Variants in DCAF1 observed in about 807,000 individuals in gnomAD.
DCAF1 encodes DDB1 and CUL4 associated factor 1.
A neutral mutation model predicts 128.0 loss-of-function variants in DCAF1; 15 were observed. That is an observed-to-expected ratio of 0.12 (90% CI 0.08 to 0.18). The LOEUF (loss-of-function observed/expected upper bound fraction) is 0.18. Ranked by LOEUF, DCAF1 falls within the 10% of genes least tolerant of loss-of-function variation. DCAF1 has a pLI of 1.00. For missense variants in DCAF1, 988 were observed against 1,649.5 expected (o/e 0.60, Z 6.95); for synonymous variants, 610 against 603.0 (o/e 1.01, Z -0.17).
rs782117372 is a variant in DCAF1 at position 51,425,559 on chromosome 3, C to CTTTT, written c.1847+1809_1847+1812dup. Among the ~76,000 whole-genome samples, 213 of 96,824 alleles carry CTTTT rather than the reference C, an allele frequency of 2.2e-3. 8 individuals are homozygous for CTTTT. The highest frequency in any genetic ancestry group is 2.8e-3 in the East Asian group (8 of 2,906). The allele number at this position is 96,824 out of a possible 152,430, so 63.5% of individuals were successfully genotyped here. A position where few individuals can be genotyped will look rare whatever the true frequency, so the allele number is the denominator to read the frequency against. ...TTCTAGTTATCTTGTAAGCTGTCAT[C>CTTTT]TTTTTTTTTTTTTTTTTTTTGGAGA... On this transcript the variant is annotated intron_variant, in intron 13 of 24. Transcript: ENST00000684031.
chr3:51,401,595 T>G (rs1183107351), intron 24 of DCAF1, among the ~76,000 whole-genome samples: 2 of 152,236 alleles, frequency 1.3e-5, no homozygotes, highest in Non-Finnish European at 2.9e-5. Flanking sequence ...CCAGATTACC[T>G]TTGGCTTGAA....
At chr3:51,422,795 G>A (rs1699525293) in intron 13 of DCAF1, among the ~76,000 whole-genome samples, 2 of 152,116 alleles carry the variant, frequency 1.3e-5, no homozygotes, top group Admixed American at 6.5e-5. Context: ...CAGGCACGGT[G>A]GCTCAAGCCT....
At chr3:51,415,606 G>T (rs1378393777) in intron 18 of DCAF1, among the ~76,000 whole-genome samples, 2 of 152,036 alleles carry the variant, frequency 1.3e-5, no homozygotes, top group Non-Finnish European at 1.5e-5. Flanking sequence ...TTTATTTTCA[G>T]AGACAGGGTC....
chr3:51,442,993 A>C (rs1465131673), intron 7 of DCAF1, among the ~76,000 whole-genome samples: 1 of 152,132 alleles, frequency 6.6e-6, no homozygotes, highest in Non-Finnish European at 1.5e-5. Context: ...TGATGGGTTG[A>C]TCTGTGCAGC....
intron 3 of DCAF1, among the ~76,000 whole-genome samples, chr3:51,479,641 A>G (rs1705916183): frequency 6.6e-6 from 1 of 151,932 alleles, no homozygotes; most frequent in African/African-American, 2.4e-5. Flanking sequence ...TAAAAAATAT[A>G]AAAAATTAGC....
At chr3:51,477,326 A>G (rs1204538906) in intron 3 of DCAF1, among the ~76,000 whole-genome samples, 7 of 151,950 alleles carry the variant, frequency 4.6e-5, no homozygotes, top group Non-Finnish European at 7.4e-5. Context: ...AGAAAAAAAA[A>G]AAACAAAAAA....
At chr3:51,396,161 C>T (rs2089190265), downstream of DCAF1, 1 of 389,294 alleles carries the variant, frequency 2.6e-6, no homozygotes, top group East Asian at 3.8e-5. Flanking sequence ...AGCAGGTGCT[C>T]AGGACCCGGA....
chr3:51,424,985 T>C (rs1553633749), intron 13 of DCAF1, among the ~76,000 whole-genome samples: 1 of 152,190 alleles, frequency 6.6e-6, no homozygotes, highest in Non-Finnish European at 1.5e-5. Context: ...TTCTATGTTT[T>C]GAAAATATTC....
chr3:51,486,557 T>C (rs1553655544), intron 2 of DCAF1, among the ~76,000 whole-genome samples: 1 of 152,054 alleles, frequency 6.6e-6, no homozygotes. Context: ...CAGACTAATA[T>C]GGACTTCTGA....
In DCAF1 at chr3:51,398,351, T is replaced by C. The variant is rs1256507632; in HGVS notation, c.*418A>G. The C allele has an allele frequency of 1.3e-5, 2 of 156,614 alleles. No individual in the cohort carries two copies. Among genetic ancestry groups the C allele is most frequent in the Non-Finnish European group, 2.8e-5 (2 of 71,154 alleles). The allele number at this position is 156,614 out of a possible 1,614,324, so 9.7% of individuals were successfully genotyped here. A position where few individuals can be genotyped will look rare whatever the true frequency, so the allele number is the denominator to read the frequency against. ...GCAGGGACAAGAGACCTGGTGGATA[T>C]AAGTTCATACCCTCAGTTATAAATG... On this transcript the variant is annotated 3_prime_UTR_variant, in exon 25 of 25. Coordinates refer to ENST00000684031, the MANE Select transcript of DCAF1 (RefSeq NM_001387579.1).
At chr3:51,435,824 A>G (rs1422670834) in intron 9 of DCAF1, among the ~76,000 whole-genome samples, 2 of 152,338 alleles carry the variant, frequency 1.3e-5, no homozygotes, top group South Asian at 2.1e-4. Context: ...GTACCTGAAC[A>G]TAAGTATCTG....
upstream of DCAF1, among the ~76,000 whole-genome samples, chr3:51,501,702 A>T (rs1197215595): frequency 1.3e-5 from 2 of 152,026 alleles, no homozygotes; most frequent in Non-Finnish European, 2.9e-5. Flanking sequence ...CTCCAAGCAG[A>T]GATTCTCTAA....
In DCAF1 at chr3:51,441,036, C is replaced by A. The variant is rs1701313578; in HGVS notation, c.1062G>T (p.Glu354Asp). The A allele has an allele frequency of 1.2e-6, 2 of 1,612,630 alleles. No homozygotes were observed. The highest frequency in any genetic ancestry group is 1.7e-6 in the Non-Finnish European group (2 of 1,179,406). Reference sequence around the variant, plus strand: ...TCAGGTCAATATAGAACATCATCAGCTCCCGTGATCCAAGTTGCATGAATA... The same window carrying A: ...TCAGGTCAATATAGAACATCATCAGATCCCGTGATCCAAGTTGCATGAATA... ...LPIFMQLGSRELMMFYIDLKQ... is the reference protein window; with the variant it reads ...LPIFMQLGSRDLMMFYIDLKQ... Residue 354 changes from glutamate (E) to aspartate (D), a missense_variant, in exon 9 of 25, where the codon GAG (glutamate) becomes GAT (aspartate). This residue lies in a region of DCAF1 where 185 missense variants were observed against 248.1 expected (regional missense o/e 0.75). Coordinates refer to ENST00000684031, the MANE Select transcript of DCAF1 (RefSeq NM_001387579.1).
intron 2 of DCAF1, among the ~76,000 whole-genome samples, chr3:51,487,657 T>A (rs1707125831): frequency 6.6e-6 from 1 of 152,000 alleles, no homozygotes; most frequent in South Asian, 2.1e-4. Context: ...CAATTCTTTC[T>A]TCCTTTTTCT....
At chr3:51,432,011 G>A (rs1010161461) in intron 10 of DCAF1, among the ~76,000 whole-genome samples, 4 of 151,678 alleles carry the variant, frequency 2.6e-5, no homozygotes, top group Admixed American at 6.6e-5. Flanking sequence ...GGTGGCTCAC[G>A]CCTGTAATCC....
At chr3:51,473,274 A>C (rs1241933826) in intron 3 of DCAF1, among the ~76,000 whole-genome samples, 2 of 151,144 alleles carry the variant, frequency 1.3e-5, no homozygotes, top group Non-Finnish European at 3.0e-5. Flanking sequence ...AAAAAAAAAA[A>C]AACAAGAAAA....
At chr3:51,458,630 C>A (rs1383021212) in intron 6 of DCAF1, among the ~76,000 whole-genome samples, 1 of 152,122 alleles carries the variant, frequency 6.6e-6, no homozygotes, top group Non-Finnish European at 1.5e-5. Flanking sequence ...AGCGCCACAC[C>A]ACACCTACTC....
chr3:51,402,476 A>C (rs1191730939), intron 24 of DCAF1, among the ~76,000 whole-genome samples: 1 of 152,016 alleles, frequency 6.6e-6, no homozygotes, highest in African/African-American at 2.4e-5. Context: ...ACACAGCCAC[A>C]ATCATTCATT....
chr3:51,396,577 G>A (rs1394873672), downstream of DCAF1: 2 of 167,136 alleles, frequency 1.2e-5, no homozygotes, highest in Non-Finnish European at 2.9e-5. Context: ...AAGACAAAAA[G>A]GCAACATGTG....
Sources: gnomAD v4.1 joint callset for allele counts (sites outside exome capture counted in the v4.1 genomes callset) on GRCh38, gnomAD v4.1.1 for gene constraint, gnomAD v4.1.1 regional missense constraint, MANE v1.5 for transcripts, NCBI Gene and HGNC (gene_info 2026-07-23, HGNC 2026-07-21) for gene names.